The following CREB5 variants were observed in gnomAD, a reference collection of about 807,000 sequenced individuals.
CREB5 encodes cyclic AMP-responsive element-binding protein 5.
A neutral mutation model predicts 57.1 loss-of-function variants in CREB5; 19 were observed. The observed-to-expected ratio is 0.33, with a 90% CI of 0.23 to 0.49. The LOEUF is 0.49. Ranked by LOEUF, CREB5 falls within the 20% of genes least tolerant of loss-of-function variation. The probability of loss-of-function intolerance (pLI) is 0.99; values close to 1 mark genes in which losing one functional copy is unlikely to be tolerated. For synonymous variants in CREB5, 238 were observed against 238.3 expected, an observed-to-expected ratio of 1.00 and a Z score of 0.01; for missense variants, 579 against 671.6, an observed-to-expected ratio of 0.86 and a Z score of 1.52.
chr7:28,388,499 C>T (rs748807884), intron 1 of CREB5, among the ~76,000 whole-genome samples: 7 of 152,124 alleles, frequency 4.6e-5, no homozygotes, highest in Non-Finnish European at 7.4e-5. Context: ...CTTTCCAGCC[C>T]GTAATGAGCT....
At chr7:28,521,627 T>C (rs1793211361) in intron 4 of CREB5, among the ~76,000 whole-genome samples, 1 of 152,218 alleles carries the variant, frequency 6.6e-6, no homozygotes, top group Admixed American at 6.5e-5. Flanking sequence ...TCCCTGTATT[T>C]AATAGATTTT....
chr7:28,330,394 A>T (rs1262831877), intron 1 of CREB5, among the ~76,000 whole-genome samples: 1 of 132,072 alleles, frequency 7.6e-6, no homozygotes, highest in African/African-American at 2.9e-5. Context: ...GTGCTAAGAG[A>T]ACCTTACTTT....
At chr7:28,605,548 T>C (rs1797096268) in intron 5 of CREB5, among the ~76,000 whole-genome samples, 1 of 152,182 alleles carries the variant, frequency 6.6e-6, no homozygotes, top group African/African-American at 2.4e-5. Flanking sequence ...ACCCAAACAA[T>C]GCGCTAAAAT....
intron 5 of CREB5, among the ~76,000 whole-genome samples, chr7:28,699,126 T>C (rs1160233978): frequency 2.0e-5 from 3 of 151,830 alleles, no homozygotes; most frequent in African/African-American, 7.3e-5. Flanking sequence ...TAAGCCAGGA[T>C]GACCAAGGTT....
At chr7:28,536,672 T>A (rs1437741031) in intron 4 of CREB5, among the ~76,000 whole-genome samples, 1 of 152,262 alleles carries the variant, frequency 6.6e-6, no homozygotes, top group Admixed American at 6.5e-5. Flanking sequence ...CCTTTACTAA[T>A]AATATCTACT....
chr7:28,503,275 A>G (rs1792340237), intron 3 of CREB5, among the ~76,000 whole-genome samples: 1 of 152,152 alleles, frequency 6.6e-6, no homozygotes, highest in Admixed American at 6.5e-5. Context: ...TGTGTCATAT[A>G]ATTTGATTGG....
At chr7:28,642,963 C>CACACACATACACACAT (rs1562544568) in intron 5 of CREB5, among the ~76,000 whole-genome samples, 1 of 87,598 alleles carries the variant, frequency 1.1e-5, no homozygotes, top group Non-Finnish European at 2.4e-5. Context: ...CACACACACA[C>CACACACATACACACAT]ACACACACAC....
At chr7:28,495,413 G>T (rs996734251) in intron 3 of CREB5, among the ~76,000 whole-genome samples, 6 of 151,940 alleles carry the variant, frequency 3.9e-5, no homozygotes, top group Non-Finnish European at 8.8e-5. Flanking sequence ...ATGGTGGGAT[G>T]CACCTGCAAT....
chr7:28,644,625 A>G (rs1352740739), intron 5 of CREB5, among the ~76,000 whole-genome samples: 1 of 152,184 alleles, frequency 6.6e-6, no homozygotes, highest in South Asian at 2.1e-4. Context: ...TTGAATTTCA[A>G]TTTGAAATGT....
intron 5 of CREB5, among the ~76,000 whole-genome samples, chr7:28,683,178 G>A (rs959390656): frequency 2.0e-5 from 3 of 152,176 alleles, no homozygotes; most frequent in Non-Finnish European, 4.4e-5. Flanking sequence ...GAGCAGCTAG[G>A]ACATGGGGTA....
At chr7:28,684,642 C>G (rs1262258311) in intron 5 of CREB5, among the ~76,000 whole-genome samples, 1 of 152,130 alleles carries the variant, frequency 6.6e-6, no homozygotes, top group East Asian at 1.9e-4. Context: ...TGCTTTGCAA[C>G]GTGCAGAGAC....
At chr7:28,310,228 G>T (rs1269477400) in intron 1 of CREB5, among the ~76,000 whole-genome samples, 1 of 152,140 alleles carries the variant, frequency 6.6e-6, no homozygotes, top group African/African-American at 2.4e-5. Context: ...AATAGGGAGA[G>T]TTATTTCATG....
At chr7:28,350,651 A>G (rs1251491759) in intron 1 of CREB5, among the ~76,000 whole-genome samples, 2 of 152,106 alleles carry the variant, frequency 1.3e-5, no homozygotes, top group Admixed American at 6.5e-5. Flanking sequence ...TTGCTCCATG[A>G]AATCTATTAG....
chr7:28,415,429 T>A (rs1238968970), intron 1 of CREB5, among the ~76,000 whole-genome samples: 1 of 152,182 alleles, frequency 6.6e-6, no homozygotes, highest in Admixed American at 6.5e-5. Context: ...AACCTATGAC[T>A]TTGTATCCTT....
At chr7:28,393,082 G>A (rs552890748) in intron 1 of CREB5, among the ~76,000 whole-genome samples, 1 of 152,138 alleles carries the variant, frequency 6.6e-6, no homozygotes, top group East Asian at 1.9e-4. Context: ...GTGCCACCAC[G>A]CCTGGCTAAT....
At chr7:28,578,200 T>C (rs1019310827) in intron 5 of CREB5, among the ~76,000 whole-genome samples, 1 of 152,212 alleles carries the variant, frequency 6.6e-6, no homozygotes, top group African/African-American at 2.4e-5. Context: ...TGAGAGTATG[T>C]AGTCTCCCAT....
At chr7:28,716,951 A>G (rs1448206167) in intron 5 of CREB5, among the ~76,000 whole-genome samples, 2 of 152,222 alleles carry the variant, frequency 1.3e-5, no homozygotes, top group Non-Finnish European at 2.9e-5. Flanking sequence ...TCATCTGCTT[A>G]TCCGAAAGCA....
At position 28,321,420 on chromosome 7, in the gene CREB5, T is replaced by G. The variant is rs1435178307; in HGVS notation, c.-25+21979T>G. 2.0e-5 allele frequency among the ~76,000 whole-genome samples: 3 copies of G among 152,178 alleles called. No homozygotes were observed. In the East Asian group the frequency reaches 5.8e-4, roughly 29 times the overall value. ...AATCAGGGGGAAAAAACATTTCTTT[T>G]TCTTCTATCTCTCTCTCATACCCAA... On this transcript the variant is annotated intron_variant, in intron 1 of 9. Coordinates refer to the CREB5 transcript ENST00000396299.
chr7:28,574,541 A>G (rs186789606), intron 5 of CREB5, among the ~76,000 whole-genome samples: 1 of 152,248 alleles, frequency 6.6e-6, no homozygotes, highest in African/African-American at 2.4e-5. Context: ...AAGTGATAGT[A>G]TATAATTTAC....
Sources: allele counts gnomAD v4.1 joint callset (sites outside exome capture counted in the v4.1 genomes callset), GRCh38; gene constraint gnomAD v4.1.1; transcripts MANE v1.5; gene names NCBI Gene and HGNC (gene_info 2026-07-23, HGNC 2026-07-21).